The following COL28A1 variants were observed in gnomAD, a reference collection of about 807,000 sequenced individuals.
The protein encoded by COL28A1 is collagen type XXVIII alpha 1 chain.
Under a neutral mutation model 150.2 loss-of-function variants are expected in COL28A1, and 161 were observed. That is an observed-to-expected ratio of 1.07 (90% confidence interval 0.94 to 1.22). The LOEUF (loss-of-function observed/expected upper bound fraction) is 1.22, where lower values mean the gene tolerates loss of function less well. COL28A1 is among the 50% of genes most tolerant of loss of function. The pLI is 0.00. For synonymous variants in COL28A1, 552 were observed against 469.7 expected, an observed-to-expected ratio of 1.18 and a Z score of -2.26; for missense variants, 1,617 against 1,388.3, an observed-to-expected ratio of 1.16 and a Z score of -2.62.
At chr7:7,400,212 A>T (rs547854863) in intron 27 of COL28A1, among the ~76,000 whole-genome samples, 1 of 152,152 alleles carries the variant, frequency 6.6e-6, no homozygotes, top group East Asian at 1.9e-4. Flanking sequence ...GAACCCTATT[A>T]TCCATGGAAA....
Position 7,370,887 on chromosome 7 carries a change from TA to T in COL28A1, c.2909-6del. ...ACAATTTTTGCTTCAGGGTGTCTTTTAAAAAAGAAGTAGAAAAGAGAGATAG... is the reference window on the plus strand; with the variant it reads ...ACAATTTTTGCTTCAGGGTGTCTTTTAAAAAGAAGTAGAAAAGAGAGATAG... On this transcript the variant is annotated splice_polypyrimidine_tract_variant and splice_region_variant and intron_variant, in intron 32 of 34. Coordinates refer to ENST00000399429, the MANE Select transcript of COL28A1 (RefSeq NM_001037763.3). 1.3e-6 allele frequency: 2 copies of T among 1,591,666 alleles called. No individual in the cohort carries two copies. Among genetic ancestry groups the T allele is most frequent in the Non-Finnish European group, 8.6e-7 (1 of 1,161,506 alleles).
intron 13 of COL28A1, among the ~76,000 whole-genome samples, chr7:7,481,154 AAC>A (rs747242583): frequency 3.9e-5 from 6 of 152,244 alleles, no homozygotes; most frequent in Non-Finnish European, 7.3e-5. Context: ...GCACTGAATA[AAC>A]ACTGAATCTT....
At chr7:7,540,917 A>C in the COL28A1 span, among the ~76,000 whole-genome samples, 4 of 24,094 alleles carry the variant, frequency 1.7e-4, no homozygotes, top group Admixed American at 1.7e-3. Context: ...ACTGATCCCT[A>C]ATCAAAACAT....
At chr7:7,352,950 G>A (rs147894270), downstream of COL28A1, among the ~76,000 whole-genome samples, 225 of 152,238 alleles carry the variant, frequency 1.5e-3, 1 homozygote, top group African/African-American at 4.2e-3. Flanking sequence ...AAAAAATCTC[G>A]GGACCTCCCC....
chr7:7,449,532 T>C (rs1786517701), intron 18 of COL28A1, among the ~76,000 whole-genome samples: 1 of 147,412 alleles, frequency 6.8e-6, no homozygotes. Flanking sequence ...CAGTACAAAA[T>C]GATAAAAAAA....
chr7:7,522,841 C>T (rs962802931), intron 4 of COL28A1, among the ~76,000 whole-genome samples: 3 of 89,748 alleles, frequency 3.3e-5, no homozygotes, highest in Non-Finnish European at 4.7e-5. Flanking sequence ...AAAAAAGGGC[C>T]GTGCATACAT....
At chr7:7,457,993 A>G (rs750491890) in intron 15 of COL28A1, among the ~76,000 whole-genome samples, 21 of 152,224 alleles carry the variant, frequency 1.4e-4, no homozygotes, top group Non-Finnish European at 2.9e-4. Context: ...TTGGTAGTAC[A>G]AAAGTAGCCA....
At chr7:7,536,426 G>C (rs968796354), upstream of COL28A1, among the ~76,000 whole-genome samples, 1 of 152,138 alleles carries the variant, frequency 6.6e-6, no homozygotes, top group Non-Finnish European at 1.5e-5. Flanking sequence ...TATGAAATGA[G>C]AGAGTAGATT....
chr7:7,528,584 A>G (rs948665801), intron 3 of COL28A1, among the ~76,000 whole-genome samples: 6 of 152,234 alleles, frequency 3.9e-5, no homozygotes, highest in Non-Finnish European at 8.8e-5. Context: ...CTTCTGATAC[A>G]GAAAAAAACC....
chr7:7,435,468 C>T (rs961842531), intron 23 of COL28A1, among the ~76,000 whole-genome samples: 48 of 152,168 alleles, frequency 3.2e-4, no homozygotes, highest in African/African-American at 9.2e-4. Flanking sequence ...AGTTTTAGCC[C>T]GGAAAGTCAT....
the COL28A1 span, among the ~76,000 whole-genome samples, chr7:7,343,425 T>C: frequency 6.6e-6 from 1 of 152,078 alleles, no homozygotes; most frequent in Non-Finnish European, 1.5e-5. Flanking sequence ...CCTTGCTGCG[T>C]GCTAGACAAG....
Position 7,380,790 on chromosome 7 carries a change from C to T in COL28A1, c.2278G>A (p.Gly760Arg). The change falls in exon 29 of 35, where the codon GGA becomes AGA. Residue 760 changes from glycine to arginine, a missense_variant. Transcript: ENST00000399429. ...CATTAAAAACTACTTGCCTGTTTTCCTGGAGATCCAGGCTCTCCAATTTCT... is the reference window on the plus strand; with the variant it reads ...CATTAAAAACTACTTGCCTGTTTTCTTGGAGATCCAGGCTCTCCAATTTCT... The part of the protein sequence containing the change: ...KGEIGEPGSP[G>R]KQGLQGPKGD... 9.3e-6 allele frequency: 15 copies of T among 1,613,538 alleles called. No individual in the cohort carries two copies. The highest frequency in any genetic ancestry group is 1.3e-5 in the Non-Finnish European group (15 of 1,179,532).
chr7:7,353,040 T>C (rs574827563), downstream of COL28A1, among the ~76,000 whole-genome samples: 30 of 152,298 alleles, frequency 2.0e-4, no homozygotes, highest in African/African-American at 7.2e-4. Flanking sequence ...GCTGTTACAT[T>C]GTGCATCAGC....
At chr7:7,483,870 ATAAC>A (rs933581291) in intron 13 of COL28A1, among the ~76,000 whole-genome samples, 6 of 152,172 alleles carry the variant, frequency 3.9e-5, no homozygotes, top group South Asian at 2.1e-4. Context: ...ATTTTAAAAA[ATAAC>A]TAAGAATTTT....
At chr7:7,403,766 G>C (rs1266772629) in intron 27 of COL28A1, among the ~76,000 whole-genome samples, 1 of 152,274 alleles carries the variant, frequency 6.6e-6, no homozygotes, top group East Asian at 1.9e-4. Context: ...ATATGCTACA[G>C]TCCAGATATA....
At chr7:7,391,713 T>A (rs754855846) in intron 27 of COL28A1, among the ~76,000 whole-genome samples, 1 of 152,122 alleles carries the variant, frequency 6.6e-6, no homozygotes, top group African/African-American at 2.4e-5. Context: ...CATTGATCCC[T>A]TTACCATTAT....
At chr7:7,411,707 C>T (rs976472856) in intron 27 of COL28A1, among the ~76,000 whole-genome samples, 6 of 152,162 alleles carry the variant, frequency 3.9e-5, no homozygotes, top group Admixed American at 3.3e-4. Context: ...AGCTCTTTGG[C>T]GAGTTCTCAG....
chr7:7,418,075 A>G (rs1240294640), intron 26 of COL28A1, 148 bp from the exon 27 acceptor site: 2 of 591,292 alleles, frequency 3.4e-6, no homozygotes, highest in Admixed American at 3.6e-5. Context: ...TTTTACTTAG[A>G]GTGCTTCCCC....
At chr7:7,431,276 C>T in intron 25 of COL28A1, 1 of 217,150 alleles carries the variant, frequency 4.6e-6, no homozygotes, top group Non-Finnish European at 9.7e-6. Context: ...TGTAGAGCTC[C>T]TACTGAATGG....
Sources: allele counts gnomAD v4.1 joint callset (sites outside exome capture counted in the v4.1 genomes callset), GRCh38; gene constraint gnomAD v4.1.1; transcripts MANE v1.5; gene names NCBI Gene and HGNC (gene_info 2026-07-23, HGNC 2026-07-21).